The following USP32 variants were observed in gnomAD, a reference collection of about 807,000 sequenced individuals.
USP32 encodes the protein ubiquitin specific peptidase 32.
USP32 carries 59 observed loss-of-function variants against 204.8 expected under a neutral mutation model. The ratio of observed to expected loss-of-function variants is 0.29; its 90% CI spans 0.23 to 0.36. USP32 has a LOEUF of 0.36. Among genes scored for constraint, USP32 ranks in the 10% least tolerant of loss-of-function variants. The probability of loss-of-function intolerance (pLI) is 1.00; values close to 1 mark genes in which losing one functional copy is unlikely to be tolerated. For synonymous variants in USP32, 517 were observed against 678.4 expected, an observed-to-expected ratio of 0.76 and a Z score of 3.70; for missense variants, 1,160 against 1,946.4, an observed-to-expected ratio of 0.60 and a Z score of 7.60.
intron 1 of USP32, among the ~76,000 whole-genome samples, chr17:60,350,639 T>A (rs1026296326): frequency 1.3e-5 from 2 of 152,138 alleles, no homozygotes; most frequent in African/African-American, 4.8e-5. Flanking sequence ...TATCTTCGTA[T>A]TAGAAAGAAA....
intron 2 of USP32, among the ~76,000 whole-genome samples, chr17:60,306,039 T>C (rs1475501368): frequency 2.0e-5 from 3 of 151,950 alleles, no homozygotes; most frequent in African/African-American, 7.3e-5. Flanking sequence ...GAAAGCAGTA[T>C]GCATCTAACA....
chr17:60,191,328 G>A (rs1408597994), intron 28 of USP32, among the ~76,000 whole-genome samples: 1 of 148,900 alleles, frequency 6.7e-6, no homozygotes, highest in African/African-American at 2.5e-5. Context: ...CTTGAACCTG[G>A]GAGGTGGAGG....
chr17:60,329,278 GT>G (rs538014621), intron 2 of USP32, among the ~76,000 whole-genome samples: 12 of 147,630 alleles, frequency 8.1e-5, no homozygotes, highest in South Asian at 2.1e-4. Context: ...GTGTGTGTGT[GT>G]TTTTTTTTTC....
upstream of USP32, among the ~76,000 whole-genome samples, chr17:60,394,880 A>G (rs181240926): frequency 4.6e-5 from 7 of 152,090 alleles, no homozygotes; most frequent in East Asian, 1.4e-3. Context: ...GGTAGCTGGG[A>G]TTATAGGCGC....
intron 12 of USP32, among the ~76,000 whole-genome samples, chr17:60,231,143 T>C (rs979443760): frequency 5.9e-5 from 9 of 152,198 alleles, no homozygotes; most frequent in African/African-American, 2.2e-4. Flanking sequence ...ATTTTAGGAT[T>C]CCCTGTGAGT....
intron 13 of USP32, among the ~76,000 whole-genome samples, chr17:60,224,864 A>T (rs2085343408): frequency 6.6e-6 from 1 of 152,224 alleles, no homozygotes; most frequent in Non-Finnish European, 1.5e-5. Context: ...AACTCAATTC[A>T]GCTGGGCCAT....
chr17:60,223,738 G>A (rs2085315086), intron 13 of USP32, 152 bp from the exon 14 acceptor site: 1 of 627,134 alleles, frequency 1.6e-6, no homozygotes, highest in Non-Finnish European at 2.6e-6. Flanking sequence ...GACAGGAAAT[G>A]TTATCCTTCT....
Position 60,288,736 on chromosome 17 carries a change from T to G in USP32, c.412-54A>C, listed in dbSNP as rs75677946. On this transcript the variant is annotated intron_variant, in intron 4 of 33. Transcript: ENST00000300896. ...TAGTCAAATTTTAAGGTATCTTACT[T>G]GGAACCTGCACAACCTGAAATTTGC... 1.5e-3 allele frequency: 2,264 copies of G among 1,499,070 alleles called. 27 individuals carry two copies. The African/African-American group carries it at 0.024, about 16-fold the overall frequency. The allele number at this position is 1,499,070 out of a possible 1,614,324, so 92.9% of individuals were successfully genotyped here.
Position 60,232,168 on chromosome 17 carries a change from C to CTTTTTTT in USP32, c.1239+3963_1239+3969dup, listed in dbSNP as rs58707657. On this transcript the variant is annotated intron_variant, in intron 12 of 33. Transcript: ENST00000300896. ...ACATGTCAACACTAATTTTCTTTTTCTTTTTTTTTTTTTTTTTTTTTTGAG... is the reference window on the plus strand; with the variant it reads ...ACATGTCAACACTAATTTTCTTTTTCTTTTTTTTTTTTTTTTTTTTTTTTTTTTTGAG... Among the ~76,000 whole-genome samples, 851 of 109,408 alleles carry CTTTTTTT rather than the reference C, an allele frequency of 7.8e-3. 2 individuals are homozygous for CTTTTTTT. The highest frequency in any genetic ancestry group is 0.015 in the African/African-American group (399 of 26,912). 71.8% of individuals were successfully genotyped at this position (109,408 alleles called of 152,430 possible).
chr17:60,218,317 G>A (rs2085157057), intron 16 of USP32, among the ~76,000 whole-genome samples: 1 of 151,944 alleles, frequency 6.6e-6, no homozygotes, highest in Non-Finnish European at 1.5e-5. Context: ...CTGGGAGGCG[G>A]AGCTTGCAGT....
chr17:60,251,774 C>T (rs2086176088), intron 11 of USP32, among the ~76,000 whole-genome samples: 1 of 151,830 alleles, frequency 6.6e-6, no homozygotes, highest in African/African-American at 2.4e-5. Flanking sequence ...ATTTTATTAA[C>T]AAAATTGGTC....
Position 60,190,627 on chromosome 17 carries a change from G to C in USP32, c.3578C>G (p.Ala1193Gly), listed in dbSNP as rs1395177157. 8 of 1,606,104 alleles carry C rather than the reference G, an allele frequency of 5.0e-6. No homozygotes were observed. Among genetic ancestry groups the C allele is most frequent in the South Asian group, 1.1e-5 (1 of 88,744 alleles). Reference protein sequence around the residue: ...CGEDRAFIGNAYIAVDWDPTA... With the variant: ...CGEDRAFIGNGYIAVDWDPTA... ...GGGATCCCAATCCACAGCGATATAG[G>C]CATTTCCAATGAAAGCTCTGTCTTC... The change falls in exon 29 of 34, where the codon GCC becomes GGC. Residue 1193 changes from alanine to glycine, a missense_variant. This residue lies in a region of USP32 where 160 missense variants were observed against 322.5 expected (regional missense o/e 0.50). Coordinates refer to ENST00000300896, the MANE Select transcript of USP32 (RefSeq NM_032582.4).
At chr17:60,414,497 C>T (rs945436185) in intron 1 of USP32, among the ~76,000 whole-genome samples, 6 of 151,824 alleles carry the variant, frequency 4.0e-5, no homozygotes, top group Admixed American at 1.3e-4. Context: ...GGCATAATCT[C>T]GGCTCACTGC....
intron 3 of USP32, among the ~76,000 whole-genome samples, chr17:60,296,975 T>G (rs1033779109): frequency 5.9e-5 from 9 of 152,110 alleles, no homozygotes; most frequent in Non-Finnish European, 1.0e-4. Context: ...AGTTTAGAGA[T>G]GCAACAACTA....
intron 2 of USP32, among the ~76,000 whole-genome samples, chr17:60,325,757 T>C (rs2145951492): frequency 6.6e-6 from 1 of 151,660 alleles, no homozygotes; most frequent in Non-Finnish European, 1.5e-5. Context: ...CAAAACCCTG[T>C]CTCTACAAAA....
At chr17:60,402,509 A>G (rs2080024849) in intron 1 of USP32, among the ~76,000 whole-genome samples, 1 of 152,122 alleles carries the variant, frequency 6.6e-6, no homozygotes, top group Non-Finnish European at 1.5e-5. Context: ...TGGCCTCCCA[A>G]AGTGCTGGGA....
At chr17:60,383,113 G>A (rs2089673398) in intron 1 of USP32, among the ~76,000 whole-genome samples, 1 of 151,794 alleles carries the variant, frequency 6.6e-6, no homozygotes, top group African/African-American at 2.4e-5. Context: ...GGGCGTGGTG[G>A]CTTGTGCCTG....
intron 1 of USP32, among the ~76,000 whole-genome samples, chr17:60,419,415 C>G (rs1222388581): frequency 6.6e-6 from 1 of 152,074 alleles, no homozygotes; most frequent in Admixed American, 6.6e-5. Context: ...CTAATGGGTA[C>G]TAGGCTTAAT....
chr17:60,312,966 G>T (rs1322222100), intron 2 of USP32, among the ~76,000 whole-genome samples: 1 of 151,898 alleles, frequency 6.6e-6, no homozygotes, highest in African/African-American at 2.4e-5. Flanking sequence ...CTCTGTGGCT[G>T]GGCACGGTGG....
Sources: allele counts gnomAD v4.1 joint callset (sites outside exome capture counted in the v4.1 genomes callset), GRCh38; gene constraint gnomAD v4.1.1; regional missense constraint gnomAD v4.1.1; transcripts MANE v1.5; gene names NCBI Gene and HGNC (gene_info 2026-07-23, HGNC 2026-07-21).